The following PHIP variants were observed in gnomAD, a reference collection of about 807,000 sequenced individuals.
The protein encoded by PHIP is PHIP subunit of CUL4-Ring ligase complex.
A neutral mutation model predicts 236.8 loss-of-function variants in PHIP; 54 were observed. That is an observed-to-expected ratio of 0.23 (90% CI 0.18 to 0.29). PHIP has a LOEUF of 0.29. PHIP is among the 10% of genes least tolerant of loss of function. The pLI, the probability that PHIP is intolerant of heterozygous loss-of-function variation, is 1.00. For missense variants in PHIP, 1,370 were observed against 2,190.8 expected (o/e 0.63, Z 7.48); for synonymous variants, 756 against 718.9 (o/e 1.05, Z -0.83).
At position 78,937,641 on chromosome 6, in the gene PHIP, T is replaced by C. The variant is rs1397350119; in HGVS notation, c.*3052A>G. ...ATAATAATGCCAGCAGTCTTTAAAT[T>C]TGTAGTGAAGTTGTGCAATAAAAAC... On this transcript the variant is annotated 3_prime_UTR_variant, in exon 40 of 40. Transcript: ENST00000275034. The C allele has an allele frequency of 6.6e-6, 1 of 151,422 alleles. No homozygotes were observed. The highest frequency in any genetic ancestry group is 1.5e-5 in the Non-Finnish European group (1 of 67,528). The allele number at this position is 151,422 out of a possible 1,614,324, so 9.4% of individuals were successfully genotyped here.
At chr6:78,984,397 C>T (rs1768734970) in intron 22 of PHIP, among the ~76,000 whole-genome samples, 1 of 145,784 alleles carries the variant, frequency 6.9e-6, no homozygotes, top group African/African-American at 2.5e-5. Context: ...CCTGCCAAAT[C>T]ACACAGTTAT....
Position 78,970,883 on chromosome 6 carries a change from A to T in PHIP, c.2895T>A (p.Tyr965Ter). 6.3e-7 allele frequency: 1 copy of T among 1,598,932 alleles called. No homozygotes were observed. The highest frequency in any genetic ancestry group is 8.5e-7 in the Non-Finnish European group (1 of 1,170,390). ...AGGCTTCATGTCCTTGTCGGAAATA[A>T]TAAACCTAAAAAATAAAGTCATAAT... The part of the protein sequence containing the change: ...PFVPQMGDEV[Y>*]YFRQGHEAYV... Residue 965 changes from tyrosine to a stop codon, truncating the protein, a stop_gained, in exon 25 of 40, where the codon TAT becomes TAA. Coordinates refer to ENST00000275034, the MANE Select transcript of PHIP (RefSeq NM_017934.7). LOFTEE classifies it high-confidence loss of function.
Position 79,077,743 on chromosome 6 carries a change from G to C in PHIP, c.100-14C>G. On this transcript the variant is annotated splice_polypyrimidine_tract_variant and intron_variant, in intron 2 of 39. Transcript: ENST00000275034. ...GCGGATCAGCACCTGCAACAACAAA[G>C]CGGGGAGAGCTGAGCCCCGCGCCCC... 1.0e-6 allele frequency: 1 copy of C among 1,002,898 alleles called. No homozygotes were observed. Among genetic ancestry groups the C allele is most frequent in the Non-Finnish European group, 1.2e-6 (1 of 843,440 alleles). 62.1% of individuals were successfully genotyped at this position (1,002,898 alleles called of 1,614,324 possible).
chr6:78,957,234 A>G lies in PHIP; in HGVS notation c.3782+1241T>C, dbSNP rs1283463790. ...TAAATTATTTCACTGAAATATGAAT[A>G]TACTATCTCATGTAGTTCTACTGAT... On this transcript the variant is annotated intron_variant, in intron 32 of 39. Transcript: ENST00000275034. 14 of 152,062 alleles carry G rather than the reference A, an allele frequency of 9.2e-5. 1 individual carries two copies. The highest frequency in any genetic ancestry group is 2.0e-4 in the Admixed American group (3 of 15,266). The allele number at this position is 152,062 out of a possible 1,614,324, so 9.4% of individuals were successfully genotyped here. A position where few individuals can be genotyped will look rare whatever the true frequency, so the allele number is the denominator to read the frequency against.
chr6:79,058,370 T>G (rs551681870), intron 6 of PHIP, among the ~76,000 whole-genome samples: 19 of 152,222 alleles, frequency 1.2e-4, no homozygotes, highest in African/African-American at 4.6e-4. Context: ...TCTCTCCTTG[T>G]CAGCAGTATT....
At chr6:79,055,738 A>G (rs367562844) in intron 6 of PHIP, among the ~76,000 whole-genome samples, 36 of 152,252 alleles carry the variant, frequency 2.4e-4, no homozygotes, top group African/African-American at 8.0e-4. Context: ...GGGAATTCTA[A>G]GCACATAATA....
intron 17 of PHIP, among the ~76,000 whole-genome samples, chr6:79,001,660 A>G (rs1770004454): frequency 6.6e-6 from 1 of 152,120 alleles, no homozygotes; most frequent in Non-Finnish European, 1.5e-5. Flanking sequence ...TACAGGAACT[A>G]CCTTATTGAT....
At position 79,049,000 on chromosome 6, in the gene PHIP, C is replaced by T. The variant is rs369779565; in HGVS notation, c.440-5997G>A. 4.6e-5 allele frequency among the ~76,000 whole-genome samples: 7 copies of T among 152,088 alleles called. No homozygotes were observed. In the East Asian group the frequency reaches 5.8e-4, roughly 13 times the overall value. ...CAGAATTGGGGGTACTCAGACAAGA[C>T]GCATCAGTATTTTATGAGAAGGTTT... On this transcript the variant is annotated intron_variant, in intron 6 of 39. Transcript: ENST00000275034.
intron 7 of PHIP, among the ~76,000 whole-genome samples, chr6:79,032,863 T>C (rs1771741419): frequency 6.6e-6 from 1 of 151,998 alleles, no homozygotes; most frequent in African/African-American, 2.4e-5. Flanking sequence ...AATGAATTAC[T>C]ATCCATGACA....
At chr6:78,961,976 T>C (rs1766810939) in intron 30 of PHIP, among the ~76,000 whole-genome samples, 166 bp from the exon 31 acceptor site, 1 of 152,170 alleles carries the variant, frequency 6.6e-6, no homozygotes, top group Non-Finnish European at 1.5e-5. Context: ...AGTCTCACTT[T>C]TTATTATGTC....
rs1773210546 is a variant in PHIP at position 78,934,891 on chromosome 6, G to A, written c.*5802C>T. Among the ~76,000 whole-genome samples the A allele has an allele frequency of 2.0e-5, 3 of 152,260 alleles. No homozygotes were observed. The highest frequency in any genetic ancestry group is 1.3e-4 in the Admixed American group (2 of 15,288). On this transcript the variant is annotated 3_prime_UTR_variant, in exon 40 of 40. Coordinates refer to ENST00000275034, the MANE Select transcript of PHIP (RefSeq NM_017934.7). The stretch of plus-strand genomic sequence containing the variant: ...GCCAGTATGTCTAACCAATTAGGTA[G>A]AAAGGTATTTCATTGAATGACTTCC...
At chr6:79,028,154 T>C (rs1423313627) in intron 7 of PHIP, among the ~76,000 whole-genome samples, 1 of 152,140 alleles carries the variant, frequency 6.6e-6, no homozygotes, top group African/African-American at 2.4e-5. Flanking sequence ...CAAGGTAATT[T>C]AGAGTGTGAG....
intron 9 of PHIP, among the ~76,000 whole-genome samples, chr6:79,022,407 T>C (rs1264290289): frequency 6.6e-6 from 1 of 152,114 alleles, no homozygotes; most frequent in East Asian, 1.9e-4. Context: ...TTAAAAGGGG[T>C]TTCTGACATT....
chr6:79,045,344 A>T (rs1178666788), intron 6 of PHIP, among the ~76,000 whole-genome samples: 2 of 152,166 alleles, frequency 1.3e-5, no homozygotes, highest in Non-Finnish European at 2.9e-5. Flanking sequence ...AGGCTTGACC[A>T]TATCAAATAG....
chr6:79,028,260 T>C (rs535695560), intron 7 of PHIP, among the ~76,000 whole-genome samples: 1 of 152,250 alleles, frequency 6.6e-6, no homozygotes, highest in South Asian at 2.1e-4. Flanking sequence ...ACTGAAGATA[T>C]CAAACAGGTG....
chr6:79,009,919 A>G (rs1360598253), intron 15 of PHIP, among the ~76,000 whole-genome samples: 3 of 146,818 alleles, frequency 2.0e-5, no homozygotes, highest in Non-Finnish European at 4.6e-5. Flanking sequence ...GAAAGTGATA[A>G]TTACTAAAGT....
At chr6:78,959,974 C>T (rs977719823) in intron 31 of PHIP, among the ~76,000 whole-genome samples, 5 of 152,076 alleles carry the variant, frequency 3.3e-5, no homozygotes, top group Admixed American at 3.3e-4. Context: ...CATCATATGG[C>T]AATCAACTGT....
chr6:79,005,928 C>G (rs961801104), intron 15 of PHIP, among the ~76,000 whole-genome samples: 3 of 151,830 alleles, frequency 2.0e-5, no homozygotes, highest in Non-Finnish European at 4.4e-5. Context: ...ACAGTTGAAG[C>G]TTATAAAGCT....
chr6:78,945,337 C>A lies in PHIP; in HGVS notation c.4791G>T (p.Ala1597=). The part of the protein sequence containing the change: ...RKMKSSVLPK[A]STLSKSSAVI... ...CAGCTGATGACTTTGAAAGAGTGGA[C>A]GCCTTTGGGAGTACAGATGACTTCA... The change falls in exon 39 of 40, where the codon GCG becomes GCT. Residue 1597 remains alanine, a synonymous_variant. Transcript: ENST00000275034. The A allele has an allele frequency of 6.2e-7, 1 of 1,613,494 alleles. No individual in the cohort carries two copies. The highest frequency in any genetic ancestry group is 1.1e-5 in the South Asian group (1 of 91,070).
Sources: allele counts gnomAD v4.1 joint callset (sites outside exome capture counted in the v4.1 genomes callset), GRCh38; gene constraint gnomAD v4.1.1; transcripts MANE v1.5; gene names NCBI Gene and HGNC (gene_info 2026-07-23, HGNC 2026-07-21).